KRT82: variants seen among roughly 807,000 people sequenced by gnomAD.
KRT82 encodes keratin, type II cuticular Hb2.
Under a neutral mutation model 48.0 loss-of-function variants are expected in KRT82, and 44 were observed. The observed-to-expected ratio is 0.92, with a 90% CI of 0.72 to 1.18. The LOEUF (loss-of-function observed/expected upper bound fraction) is 1.18, where lower values mean the gene tolerates loss of function less well. Ranked by LOEUF, KRT82 falls within the 50% of genes most tolerant of loss-of-function variation. The pLI is 0.00. For synonymous variants in KRT82, 297 were observed against 278.3 expected (o/e 1.07, Z -0.67); for missense variants, 701 against 671.4 (o/e 1.04, Z -0.49).
At chr12:52,395,925 G>T in intron 7 of KRT82, 87 bp downstream of exon 7, 3 of 1,569,834 alleles carry the variant, frequency 1.9e-6, no homozygotes, top group Non-Finnish European at 2.6e-6. Flanking sequence ...AGGGGACGGG[G>T]TGAGAGATAC....
chr12:52,403,844 C>A lies in KRT82; in HGVS notation c.477G>T (p.Arg159Ser). Reference sequence around the variant, plus strand: ...TGGGCTCGATGTTGGTCTGGCAGCACCTCTGCTGCTGCATGAAGTTCCACT... The same window carrying A: ...TGGGCTCGATGTTGGTCTGGCAGCAACTCTGCTGCTGCATGAAGTTCCACT... ...ETKWNFMQQQ[R>S]CCQTNIEPIF... Residue 159 changes from arginine to serine, a missense_variant, in exon 2 of 9, where the codon AGG becomes AGT. Arg to Ser is a moderately radical substitution (Grantham distance 110). Coordinates refer to ENST00000257974, the MANE Select transcript of KRT82 (RefSeq NM_033033.4). 6.2e-7 allele frequency: 1 copy of A among 1,613,668 alleles called. No individual in the cohort carries two copies. Among genetic ancestry groups the A allele is most frequent in the South Asian group, 1.1e-5 (1 of 91,082 alleles).
At chr12:52,400,188 G>T in intron 4 of KRT82, 39 bp from the exon 5 acceptor site, 1 of 1,589,930 alleles carries the variant, frequency 6.3e-7, no homozygotes, top group Non-Finnish European at 8.6e-7. Context: ...TGAGCTCTCT[G>T]AGCGTCCGGG....
At position 52,395,093 on chromosome 12, in the gene KRT82, A is replaced by G. The variant is rs779140478; in HGVS notation, c.1424T>C (p.Val475Ala). ...VLRSNGGCSIVGTGELYVPCE... is the reference protein window; with the variant it reads ...VLRSNGGCSIAGTGELYVPCE... The stretch of plus-strand genomic sequence containing the variant: ...GGGGACATAGAGTTCACCAGTGCCC[A>G]CGATGCTGCAGCCCCCATTGCTCCT... Residue 475 changes from valine (V) to alanine (A), a missense_variant, in exon 9 of 9, where the codon GTG becomes GCG. Coordinates refer to ENST00000257974, the MANE Select transcript of KRT82 (RefSeq NM_033033.4). 15 of 1,614,006 alleles carry G rather than the reference A, an allele frequency of 9.3e-6. No individual in the cohort carries two copies. The highest frequency in any genetic ancestry group is 1.1e-5 in the Non-Finnish European group (13 of 1,179,982).
rs979476767 is a variant in KRT82 at position 52,403,796 on chromosome 12, G to A, written c.525C>T (p.Ala175=). 1.9e-6 allele frequency: 3 copies of A among 1,613,622 alleles called. No individual in the cohort carries two copies. The African/African-American group carries it at 4.0e-5, about 22-fold the overall frequency. The change falls in exon 2 of 9, where the codon GCC becomes GCT. Residue 175 remains alanine, a synonymous_variant. Transcript: ENST00000257974. ...IEPIFEGYIS[A]LRRQLDCVSG... ...ACACACAGTCCAGCTGCCGCCGAAG[G>A]GCGCTGATATAGCCCTCGAAGATGG...
intron 2 of KRT82, among the ~76,000 whole-genome samples, chr12:52,402,816 C>CA (rs1442637543): frequency 6.6e-6 from 1 of 152,216 alleles, no homozygotes; most frequent in Non-Finnish European, 1.5e-5. Flanking sequence ...TTCACTGACC[C>CA]AAACCCTTAT....
intron 5 of KRT82, among the ~76,000 whole-genome samples, chr12:52,398,880 C>T (rs1241530796): frequency 6.6e-6 from 1 of 152,156 alleles, no homozygotes; most frequent in Admixed American, 6.5e-5. Context: ...GCCCGATCTC[C>T]ACAGCACATG....
In KRT82 at chr12:52,400,080, G is replaced by C. The variant is rs1411897441; in HGVS notation, c.847C>G (p.Leu283Val). ...VIVKMDNSRE[L>V]DVDGIIAEIK... ...TCAGCGATGATGCCGTCCACGTCCA[G>C]CTCCCGGCTGTTGTCCATCTTCACA... Residue 283 changes from leucine to valine, a missense_variant, in exon 5 of 9, where the codon CTG becomes GTG. Physicochemically the swap from Leu to Val is conservative, Grantham distance 32. Transcript: ENST00000257974. 6.2e-7 allele frequency: 1 copy of C among 1,614,060 alleles called. No homozygotes were observed. The highest frequency in any genetic ancestry group is 1.7e-5 in the Admixed American group (1 of 60,010).
At chr12:52,395,856 C>G in intron 7 of KRT82, 66 bp from the exon 8 acceptor site, 1 of 1,462,288 alleles carries the variant, frequency 6.8e-7, no homozygotes, top group Non-Finnish European at 9.3e-7. Flanking sequence ...TGCAGCATCT[C>G]CCCGCTCCCG....
rs772315890 is a variant in KRT82 at position 52,396,108 on chromosome 12, C to T, written c.1193G>A (p.Cys398Tyr). 9.9e-6 allele frequency: 16 copies of T among 1,614,230 alleles called. No homozygotes were observed. Among genetic ancestry groups the T allele is most frequent in the Non-Finnish European group, 1.4e-5 (16 of 1,180,042 alleles). The part of the protein sequence containing the change: ...ALQKAKQDMA[C>Y]LLKEYQEVMN... ...CACCTCCTGATATTCCTTGAGCAGG[C>T]AGGCCATGTCCTGCTTGGCCTTCTG... is the stretch of plus-strand genomic sequence containing the variant. The change falls in exon 7 of 9, where the codon TGC becomes TAC. Residue 398 changes from cysteine (C) to tyrosine (Y), a missense_variant. Cys to Tyr is a radical substitution (Grantham distance 194, BLOSUM62 -2). Transcript: ENST00000257974.
chr12:52,403,679 G>T (rs760169284), intron 2 of KRT82, 22 bp downstream of exon 2: 232 of 1,434,394 alleles, frequency 1.6e-4, no homozygotes, highest in Middle Eastern at 7.9e-4. Context: ...CCACCAGTGG[G>T]GTAAAAGCAG....
Position 52,396,112 on chromosome 12 carries a change from C to A in KRT82, c.1189G>T (p.Ala397Ser). ...EALQKAKQDM[A>S]CLLKEYQEVM... Reference sequence around the variant, plus strand: ...TCCTGATATTCCTTGAGCAGGCAGGCCATGTCCTGCTTGGCCTTCTGCAGA... The same window carrying A: ...TCCTGATATTCCTTGAGCAGGCAGGACATGTCCTGCTTGGCCTTCTGCAGA... The change falls in exon 7 of 9, where the codon GCC (alanine) becomes TCC (serine). Residue 397 changes from alanine (A) to serine (S), a missense_variant. By Grantham distance (99) the Ala-to-Ser change is moderately conservative (BLOSUM62 1). Coordinates refer to ENST00000257974, the MANE Select transcript of KRT82 (RefSeq NM_033033.4). 6.2e-7 allele frequency: 1 copy of A among 1,614,218 alleles called. No individual in the cohort carries two copies. The highest frequency in any genetic ancestry group is 8.5e-7 in the Non-Finnish European group (1 of 1,180,032).
At position 52,394,873 on chromosome 12, in the gene KRT82, G is replaced by A. The variant is rs2078929807; in HGVS notation, c.*102C>T. ...TGGAGGGGAATGTGGAGTCAATAAA[G>A]GGAGGTGGGGTTTTGGAACATCCTT... is the stretch of plus-strand genomic sequence containing the variant. On this transcript the variant is annotated 3_prime_UTR_variant, in exon 9 of 9. Coordinates refer to ENST00000257974, the MANE Select transcript of KRT82 (RefSeq NM_033033.4). The A allele has an allele frequency of 3.0e-6, 3 of 993,868 alleles. No individual in the cohort carries two copies. In the East Asian group the frequency reaches 7.2e-5, roughly 24 times the overall value. The allele number at this position is 993,868 out of a possible 1,614,324, so 61.6% of individuals were successfully genotyped here. A position where few individuals can be genotyped will look rare whatever the true frequency, so the allele number is the denominator to read the frequency against.
intron 3 of KRT82, 42 bp from the exon 4 acceptor site, chr12:52,400,664 CT>C: frequency 7.0e-7 from 1 of 1,420,214 alleles, no homozygotes; most frequent in Non-Finnish European, 9.9e-7. Context: ...GCTGGGCCAC[CT>C]CCCAGGCAAG....
rs1939676151 is a variant in KRT82, at chr12:52,394,318, GC to G, written c.*656del. ...TCTAGGCATTGGCCTGACATCACCT[GC>G]CAATGTGAGCTCAGGAGAAAGATTT... On this transcript the variant is annotated 3_prime_UTR_variant, in exon 9 of 9. Transcript: ENST00000257974. The G allele has an allele frequency of 6.5e-6, 1 of 152,986 alleles. No individual in the cohort carries two copies. The highest frequency in any genetic ancestry group is 2.4e-5 in the African/African-American group (1 of 41,460). 9.5% of individuals were successfully genotyped at this position (152,986 alleles called of 1,614,324 possible).
intron 6 of KRT82, among the ~76,000 whole-genome samples, chr12:52,396,512 G>A (rs1226051249): frequency 2.0e-5 from 3 of 152,186 alleles, no homozygotes; most frequent in Non-Finnish European, 2.9e-5. Flanking sequence ...CAGGAGAATG[G>A]AGTGGGTCTG....
rs894274809 is a variant in KRT82, at chr12:52,402,861, C to T, written c.620+840G>A. On this transcript the variant is annotated intron_variant, in intron 2 of 8. Transcript: ENST00000257974. Reference sequence around the variant, plus strand: ...CTCTCAGTATATTTGCCCTGTTTCTCCTCAATAGAAAGACACCTGTTTCAA... The same window carrying T: ...CTCTCAGTATATTTGCCCTGTTTCTTCTCAATAGAAAGACACCTGTTTCAA... 3.9e-5 allele frequency among the ~76,000 whole-genome samples: 6 copies of T among 152,172 alleles called. No homozygotes were observed. The East Asian group carries it at 1.2e-3, about 29-fold the overall frequency.
At chr12:52,397,342 G>T (rs1939729671) in intron 5 of KRT82, among the ~76,000 whole-genome samples, 1 of 152,128 alleles carries the variant, frequency 6.6e-6, no homozygotes, top group East Asian at 1.9e-4. Flanking sequence ...CTCCCTTTTA[G>T]ATATGCCTCT....
At position 52,400,616 on chromosome 12, in the gene KRT82, C is replaced by G. The variant is rs376181469; in HGVS notation, c.688G>C (p.Asp230His). 9.3e-6 allele frequency: 15 copies of G among 1,612,386 alleles called. No homozygotes were observed. Among genetic ancestry groups the G allele is most frequent in the Non-Finnish European group, 1.3e-5 (15 of 1,178,696 alleles). The change falls in exon 4 of 9, where the codon GAC becomes CAC. Residue 230 changes from aspartate (D) to histidine (H), a missense_variant. Asp to His is a moderately conservative substitution (Grantham distance 81). Coordinates refer to ENST00000257974, the MANE Select transcript of KRT82 (RefSeq NM_033033.4). ...TCAGCCTTCATCAGGAAGGCTGTGT[C>G]CACGTCCTGCAGCAGAGCAGGGACA... ...NEFVALKKDV[D>H]TAFLMKADLE...
rs145636336 is a variant in KRT82 at position 52,395,143 on chromosome 12, C to T, written c.1374G>A (p.Thr458=). ...TGAGGACGCCAGTGCTGAGGACAGG[C>T]GTGCTGACCCCACATGGCTCGTACA... is the stretch of plus-strand genomic sequence containing the variant. The part of the protein sequence containing the change: ...AFLYEPCGVS[T]PVLSTGVLRS... Residue 458 remains threonine, a synonymous_variant, in exon 9 of 9, where the codon ACG becomes ACA. Transcript: ENST00000257974. 3.3e-5 allele frequency: 54 copies of T among 1,613,958 alleles called. No individual in the cohort carries two copies. Among genetic ancestry groups the T allele is most frequent in the East Asian group, 8.9e-5 (4 of 44,880 alleles).
Sources: allele counts gnomAD v4.1 joint callset (sites outside exome capture counted in the v4.1 genomes callset), GRCh38; gene constraint gnomAD v4.1.1; transcripts MANE v1.5; gene names NCBI Gene and HGNC (gene_info 2026-07-23, HGNC 2026-07-21).